Variants in PCDHB13 observed in about 807,000 individuals in gnomAD.
PCDHB13 encodes protocadherin beta-13.
For missense variants in PCDHB13, 1,065 were observed against 1,016.7 expected (o/e 1.05, Z -0.65); for synonymous variants, 515 against 450.7 (o/e 1.14, Z -1.81).
In PCDHB13 at chr5:141,215,274, G is replaced by A. The variant is rs1554287838; in HGVS notation, c.1151G>A (p.Cys384Tyr). 1.2e-6 allele frequency: 2 copies of A among 1,614,030 alleles called. No homozygotes were observed. Residue 384 changes from cysteine to tyrosine, a missense_variant, in exon 1 of 1, where the codon TGC becomes TAC. Physicochemically the swap from Cys to Tyr is radical, Grantham distance 194 (BLOSUM62 -2). Coordinates refer to ENST00000341948, the MANE Select transcript of PCDHB13 (RefSeq NM_018933.4). ...LDSGENGKIS[C>Y]SIQEDLPFLL... ...TCAGGAGAAAATGGGAAAATTAGTT[G>A]CTCCATTCAGGAGGATCTACCCTTC...
Position 141,216,500 on chromosome 5 carries a change from T to C in PCDHB13, c.2377T>C (p.Phe793Leu). The change falls in exon 1 of 1, where the codon TTT (phenylalanine) becomes CTT (leucine). Residue 793 changes from phenylalanine to leucine, a missense_variant. Physicochemically the swap from Phe to Leu is conservative, Grantham distance 22. Coordinates refer to ENST00000341948, the MANE Select transcript of PCDHB13 (RefSeq NM_018933.4). ...IQGNSTFPNN[F>L]GFNIQ ...AGGAAATTCTACCTTCCCCAATAACTTTGGGTTCAATATTCAGTGACCATA... is the reference window on the plus strand; with the variant it reads ...AGGAAATTCTACCTTCCCCAATAACCTTGGGTTCAATATTCAGTGACCATA... 6.2e-7 allele frequency: 1 copy of C among 1,613,464 alleles called. No individual in the cohort carries two copies. The highest frequency in any genetic ancestry group is 8.5e-7 in the Non-Finnish European group (1 of 1,179,528).
In PCDHB13 at chr5:141,216,784, G is replaced by T. The variant is rs1754626715; in HGVS notation, c.*264G>T. 7.8e-6 allele frequency: 4 copies of T among 513,958 alleles called. No homozygotes were observed. Among genetic ancestry groups the T allele is most frequent in the Non-Finnish European group, 3.6e-6 (1 of 276,824 alleles). The allele number at this position is 513,958 out of a possible 1,614,324, so 31.8% of individuals were successfully genotyped here. ...CAATACCAAATCACATTTTTTTCAT[G>T]CCCCTATCTTTAGCTGAACTTCACC... On this transcript the variant is annotated 3_prime_UTR_variant, in exon 1 of 1. Transcript: ENST00000341948.
Position 141,214,521 on chromosome 5 carries a change from T to A in PCDHB13, c.398T>A (p.Val133Glu). ...ATAGACATAAACGACCACTCTCCAG[T>A]ATTTCTGGACAAACAAATGTTGGTG... Reference protein sequence around the residue: ...QVIDINDHSPVFLDKQMLVKV... With the variant: ...QVIDINDHSPEFLDKQMLVKV... Residue 133 changes from valine to glutamate, a missense_variant, in exon 1 of 1, where the codon GTA (valine) becomes GAA (glutamate). By Grantham distance (121) the Val-to-Glu change is moderately radical. Coordinates refer to ENST00000341948, the MANE Select transcript of PCDHB13 (RefSeq NM_018933.4). 1.2e-6 allele frequency: 2 copies of A among 1,613,292 alleles called. No individual in the cohort carries two copies.
rs782705974 is a variant in PCDHB13 at position 141,218,346 on chromosome 5, A to G, written c.*1826A>G. On this transcript the variant is annotated 3_prime_UTR_variant, in exon 1 of 1. Transcript: ENST00000341948. ...AAGAAGTGCAATCTCTTTTAATAGC[A>G]TATCTAAGACAACCTAATGTTTATA... 6.0e-6 allele frequency: 1 copy of G among 167,042 alleles called. No homozygotes were observed. Among genetic ancestry groups the G allele is most frequent in the Non-Finnish European group, 1.5e-5 (1 of 68,116 alleles). 10.3% of individuals were successfully genotyped at this position (167,042 alleles called of 1,614,324 possible).
Position 141,216,447 on chromosome 5 carries a change from C to T in PCDHB13, c.2324C>T (p.Pro775Leu), listed in dbSNP as rs782175481. 2 of 1,614,140 alleles carry T rather than the reference C, an allele frequency of 1.2e-6. No individual in the cohort carries two copies. Among genetic ancestry groups the T allele is most frequent in the Admixed American group, 1.7e-5 (1 of 60,018 alleles). The change falls in exon 1 of 1, where the codon CCT becomes CTT. Residue 775 changes from proline to leucine, a missense_variant. Coordinates refer to ENST00000341948, the MANE Select transcript of PCDHB13 (RefSeq NM_018933.4). ...CTGAAGCCGATTATCCCCAACTTCC[C>T]TCCCCAGTGCCCTGGGAAAGAAATA... ...KFLKPIIPNF[P>L]PQCPGKEIQG...
At position 141,216,368 on chromosome 5, in the gene PCDHB13, T is replaced by A; in HGVS notation, c.2245T>A (p.Tyr749Asn). 1 of 1,614,136 alleles carries A rather than the reference T, an allele frequency of 6.2e-7. No homozygotes were observed. Among genetic ancestry groups the A allele is most frequent in the Non-Finnish European group, 8.5e-7 (1 of 1,180,012 alleles). The change falls in exon 1 of 1, where the codon TAC becomes AAC. Residue 749 changes from tyrosine (Y) to asparagine (N), a missense_variant. Physicochemically the swap from Tyr to Asn is moderately radical, Grantham distance 143 (BLOSUM62 -2). Transcript: ENST00000341948. ...MSGTRTLSQS[Y>N]QYEVCLAGGS... ...CGGCACCAGGACCCTATCCCAGAGC[T>A]ACCAGTATGAGGTGTGTCTGGCAGG...
At position 141,216,547 on chromosome 5, in the gene PCDHB13, GTATTT is replaced by G. The variant is rs1339296474; in HGVS notation, c.*34_*38del. The G allele has an allele frequency of 3.2e-6, 5 of 1,557,640 alleles. No homozygotes were observed. The highest frequency in any genetic ancestry group is 4.4e-6 in the Non-Finnish European group (5 of 1,128,610). ...CATAGTTGACTTTTACATTCCATAGGTATTTTATTTTGTGGCATTTCCATGCCAAT... is the reference window on the plus strand; with the variant it reads ...CATAGTTGACTTTTACATTCCATAGGTATTTTGTGGCATTTCCATGCCAAT... On this transcript the variant is annotated 3_prime_UTR_variant, in exon 1 of 1. Coordinates refer to ENST00000341948, the MANE Select transcript of PCDHB13 (RefSeq NM_018933.4).
Position 141,215,938 on chromosome 5 carries a change from G to A in PCDHB13, c.1815G>A (p.Gln605=). 6.2e-7 allele frequency: 1 copy of A among 1,607,182 alleles called. No individual in the cohort carries two copies. Among genetic ancestry groups the A allele is most frequent in the Admixed American group, 1.7e-5 (1 of 59,952 alleles). ...GCCAGAACGCCTGGCTGTCGTACCA[G>A]CTGCTCAAGGCCACGGAGCTCGGTC... The part of the protein sequence containing the change: ...DSGQNAWLSY[Q]LLKATELGLF... Residue 605 remains glutamine, a synonymous_variant, in exon 1 of 1, where the codon CAG becomes CAA. Coordinates refer to ENST00000341948, the MANE Select transcript of PCDHB13 (RefSeq NM_018933.4).
chr5:141,216,444 T>G lies in PCDHB13; in HGVS notation c.2321T>G (p.Phe774Cys). Residue 774 changes from phenylalanine to cysteine, a missense_variant, in exon 1 of 1, where the codon TTC (phenylalanine) becomes TGC (cysteine). Coordinates refer to ENST00000341948, the MANE Select transcript of PCDHB13 (RefSeq NM_018933.4). The part of the protein sequence containing the change: ...FKFLKPIIPN[F>C]PPQCPGKEIQ... ...TTCCTGAAGCCGATTATCCCCAACT[T>G]CCCTCCCCAGTGCCCTGGGAAAGAA... 3 of 1,613,832 alleles carry G rather than the reference T, an allele frequency of 1.9e-6. No individual in the cohort carries two copies. Among genetic ancestry groups the G allele is most frequent in the Non-Finnish European group, 2.5e-6 (3 of 1,179,974 alleles).
chr5:141,217,219 T>C lies in PCDHB13; in HGVS notation c.*699T>C, dbSNP rs1194236259. On this transcript the variant is annotated 3_prime_UTR_variant, in exon 1 of 1. Transcript: ENST00000341948. The stretch of plus-strand genomic sequence containing the variant: ...TGCAATCTAGTTGAATGCAGATGCC[T>C]GTGCCCAAATAATAATTCATATAGC... 6.0e-6 allele frequency: 1 copy of C among 167,194 alleles called. No homozygotes were observed. Among genetic ancestry groups the C allele is most frequent in the Admixed American group, 6.5e-5 (1 of 15,294 alleles). 10.4% of individuals were successfully genotyped at this position (167,194 alleles called of 1,614,324 possible).
chr5:141,216,471 T>C lies in PCDHB13; in HGVS notation c.2348T>C (p.Ile783Thr). Residue 783 changes from isoleucine to threonine, a missense_variant, in exon 1 of 1, where the codon ATA becomes ACA. Physicochemically the swap from Ile to Thr is moderately conservative, Grantham distance 89. Coordinates refer to ENST00000341948, the MANE Select transcript of PCDHB13 (RefSeq NM_018933.4). ...NFPPQCPGKEIQGNSTFPNNF... is the reference protein window; with the variant it reads ...NFPPQCPGKETQGNSTFPNNF... The stretch of plus-strand genomic sequence containing the variant: ...CCTCCCCAGTGCCCTGGGAAAGAAA[T>C]ACAAGGAAATTCTACCTTCCCCAAT... 6.2e-7 allele frequency: 1 copy of C among 1,613,982 alleles called. No individual in the cohort carries two copies. The highest frequency in any genetic ancestry group is 1.1e-5 in the South Asian group (1 of 91,004).
chr5:141,214,146 T>G lies in PCDHB13; in HGVS notation c.23T>G (p.Ile8Ser), dbSNP rs1554287536. Residue 8 changes from isoleucine to serine, a missense_variant, in exon 1 of 1, where the codon ATT (isoleucine) becomes AGT (serine). Physicochemically the swap from Ile to Ser is moderately radical, Grantham distance 142 (BLOSUM62 -2). Coordinates refer to ENST00000341948, the MANE Select transcript of PCDHB13 (RefSeq NM_018933.4). MEASGKL[I>S]CRQRQVLFSF... ...ACAATGGAGGCCAGCGGGAAGCTCA[T>G]TTGCAGACAAAGGCAAGTCCTTTTT... is the stretch of plus-strand genomic sequence containing the variant. The G allele has an allele frequency of 1.7e-5, 27 of 1,613,982 alleles. No individual in the cohort carries two copies. Among genetic ancestry groups the G allele is most frequent in the Non-Finnish European group, 2.3e-5 (27 of 1,179,996 alleles).
rs1316196911 is a variant in PCDHB13 at position 141,218,000 on chromosome 5, C to G, written c.*1480C>G. 1 of 145,150 alleles carries G rather than the reference C, an allele frequency of 6.9e-6. No homozygotes were observed. Among genetic ancestry groups the G allele is most frequent in the Non-Finnish European group, 1.5e-5 (1 of 65,080 alleles). The allele number at this position is 145,150 out of a possible 1,614,324, so 9.0% of individuals were successfully genotyped here. Reference sequence around the variant, plus strand: ...CCAGGCTGGAGTGCAGTGGTGTGATCTCCACTCACTGTGATCTCCACTCAC... The same window carrying G: ...CCAGGCTGGAGTGCAGTGGTGTGATGTCCACTCACTGTGATCTCCACTCAC... On this transcript the variant is annotated 3_prime_UTR_variant, in exon 1 of 1. Transcript: ENST00000341948.
Position 141,215,079 on chromosome 5 carries a change from A to G in PCDHB13, c.956A>G (p.Asn319Ser), listed in dbSNP as rs139420322. The G allele has an allele frequency of 2.1e-5, 34 of 1,614,100 alleles. No individual in the cohort carries two copies. Among genetic ancestry groups the G allele is most frequent in the Non-Finnish European group, 2.7e-5 (32 of 1,180,042 alleles). ...GAAAAACTTCAGTCCTATGAAGTCA[A>G]TATTGAGGCAAGAGATGCTGGAACC... is the stretch of plus-strand genomic sequence containing the variant. ...DFEKLQSYEV[N>S]IEARDAGTFS... is the part of the protein sequence containing the mutation. Residue 319 changes from asparagine (N) to serine (S), a missense_variant, in exon 1 of 1, where the codon AAT becomes AGT. By Grantham distance (46) the Asn-to-Ser change is conservative. Transcript: ENST00000341948.
chr5:141,216,042 T>A lies in PCDHB13; in HGVS notation c.1919T>A (p.Leu640Gln), dbSNP rs782496188. ...GAGCGCGACGCGGCCAAGCACAGGC[T>A]GGTGGTGCTGGTCAAGGACAATGGC... Reference protein sequence around the residue: ...LSERDAAKHRLVVLVKDNGEP... With the variant: ...LSERDAAKHRQVVLVKDNGEP... Residue 640 changes from leucine to glutamine, a missense_variant, in exon 1 of 1, where the codon CTG (leucine) becomes CAG (glutamine). Coordinates refer to ENST00000341948, the MANE Select transcript of PCDHB13 (RefSeq NM_018933.4). 1.9e-6 allele frequency: 3 copies of A among 1,606,626 alleles called. No homozygotes were observed. In the South Asian group the frequency reaches 3.3e-5, roughly 18 times the overall value.
chr5:141,215,851 G>A lies in PCDHB13; in HGVS notation c.1728G>A (p.Val576=), dbSNP rs1172754706. The A allele has an allele frequency of 5.6e-6, 9 of 1,608,014 alleles. No homozygotes were observed. Among genetic ancestry groups the A allele is most frequent in the Non-Finnish European group, 7.6e-6 (9 of 1,178,788 alleles). The change falls in exon 1 of 1, where the codon GTG becomes GTA. Residue 576 remains valine, a synonymous_variant. Transcript: ENST00000341948. ...QNGSAPCTEL[V]PRAAEPGYLV... ...GCTCCGCGCCCTGCACCGAGCTGGT[G>A]CCCCGGGCGGCCGAGCCGGGCTACC...
rs782685978 is a variant in PCDHB13, at chr5:141,215,598, C to A, written c.1475C>A (p.Pro492Gln). Residue 492 changes from proline (P) to glutamine (Q), a missense_variant, in exon 1 of 1, where the codon CCG (proline) becomes CAG (glutamine). Physicochemically the swap from Pro to Gln is moderately conservative, Grantham distance 76. Coordinates refer to ENST00000341948, the MANE Select transcript of PCDHB13 (RefSeq NM_018933.4). ...TNAQVTYSLL[P>Q]PQDPHLPLTS... Reference sequence around the variant, plus strand: ...GCCCAGGTCACCTACTCGCTGCTGCCGCCCCAGGACCCGCACCTGCCCCTC... The same window carrying A: ...GCCCAGGTCACCTACTCGCTGCTGCAGCCCCAGGACCCGCACCTGCCCCTC... 4 of 1,612,208 alleles carry A rather than the reference C, an allele frequency of 2.5e-6. No homozygotes were observed. In the African/African-American group the frequency reaches 4.0e-5, roughly 16 times the overall value.
At position 141,217,013 on chromosome 5, in the gene PCDHB13, A is replaced by G; in HGVS notation, c.*493A>G. ...CTTTCAAAAATAAACCAGAAAACCT[A>G]TATCCTATGATACAACTCTAAGTGT... On this transcript the variant is annotated 3_prime_UTR_variant, in exon 1 of 1. Transcript: ENST00000341948. 8.1e-6 allele frequency: 2 copies of G among 245,816 alleles called. No individual in the cohort carries two copies. Among genetic ancestry groups the G allele is most frequent in the Non-Finnish European group, 8.4e-6 (1 of 119,720 alleles). 15.2% of individuals were successfully genotyped at this position (245,816 alleles called of 1,614,324 possible). A position where few individuals can be genotyped will look rare whatever the true frequency, so the allele number is the denominator to read the frequency against.
rs371939349 is a variant in PCDHB13, at chr5:141,215,720, G to T, written c.1597G>T (p.Ala533Ser). The change falls in exon 1 of 1, where the codon GCT becomes TCT. Residue 533 changes from alanine to serine, a missense_variant. Coordinates refer to ENST00000341948, the MANE Select transcript of PCDHB13 (RefSeq NM_018933.4). ...GCAGGGGTTCCAGTTCCGCGTGGGC[G>T]CTTCAGACCACGGCTCCCCGGCGCT... ...ALQGFQFRVG[A>S]SDHGSPALSS... 4 of 1,612,422 alleles carry T rather than the reference G, an allele frequency of 2.5e-6. No individual in the cohort carries two copies. The highest frequency in any genetic ancestry group is 2.2e-5 in the East Asian group (1 of 44,888).
Sources: gnomAD v4.1 joint callset for allele counts on GRCh38, gnomAD v4.1.1 for gene constraint, MANE v1.5 for transcripts, NCBI Gene and HGNC (gene_info 2026-07-23, HGNC 2026-07-21) for gene names.